FAF1: variants seen among roughly 807,000 people sequenced by gnomAD.
FAF1 encodes Fas associated factor 1.
A neutral mutation model predicts 92.5 loss-of-function variants in FAF1; 25 were observed. That is an observed-to-expected ratio of 0.27 (90% confidence interval 0.20 to 0.38). The LOEUF is 0.38. Ranked by LOEUF, FAF1 falls within the 10% of genes least tolerant of loss-of-function variation. The pLI, the probability that FAF1 is intolerant of heterozygous loss-of-function variation, is 1.00. For missense variants in FAF1, 636 were observed against 793.3 expected (o/e 0.80, Z 2.38); for synonymous variants, 234 against 273.2 (o/e 0.86, Z 1.42).
chr1:50,931,918 TAATAATAATAGC>T, intron 1 of FAF1, among the ~76,000 whole-genome samples: 1 of 139,140 alleles, frequency 7.2e-6, no homozygotes, highest in Non-Finnish European at 1.6e-5. Context: ...ATAATAATAA[TAATAATAATAGC>T]ACATGAAAGA....
intron 8 of FAF1, among the ~76,000 whole-genome samples, chr1:50,616,889 C>A (rs532421721): frequency 6.6e-6 from 1 of 152,254 alleles, no homozygotes; most frequent in South Asian, 2.1e-4. Context: ...CCATGTTGGC[C>A]AGGCTGGTCT....
chr1:50,900,653 T>G (rs1644789098), intron 1 of FAF1, among the ~76,000 whole-genome samples: 1 of 152,192 alleles, frequency 6.6e-6, no homozygotes, highest in South Asian at 2.1e-4. Context: ...ATGAGATAAA[T>G]TAAGCAACAA....
At chr1:50,566,608 G>A (rs1650184867) in intron 13 of FAF1, among the ~76,000 whole-genome samples, 1 of 152,012 alleles carries the variant, frequency 6.6e-6, no homozygotes, top group Admixed American at 6.6e-5. Flanking sequence ...AAGAATGTGT[G>A]CAATAAAGCG....
intron 8 of FAF1, 55 bp from the exon 9 acceptor site, chr1:50,596,271 AG>A: frequency 7.7e-7 from 1 of 1,303,356 alleles, no homozygotes; most frequent in Non-Finnish European, 1.1e-6. Context: ...GTTTCACAAA[AG>A]GATTTGACTT....
At chr1:50,916,969 T>C (rs572080671) in intron 1 of FAF1, among the ~76,000 whole-genome samples, 69 of 152,286 alleles carry the variant, frequency 4.5e-4, no homozygotes, top group Non-Finnish European at 7.5e-4. Context: ...TAACTGGCAA[T>C]GAGAGAAAGT....
chr1:50,910,590 C>T (rs1448434730), intron 1 of FAF1, among the ~76,000 whole-genome samples: 2 of 152,106 alleles, frequency 1.3e-5, no homozygotes, highest in African/African-American at 2.4e-5. Context: ...CAATGGCGGA[C>T]GCCCCTCCCC....
chr1:50,555,339 A>C (rs879672682), intron 13 of FAF1, among the ~76,000 whole-genome samples: 1 of 152,140 alleles, frequency 6.6e-6, no homozygotes, highest in Non-Finnish European at 1.5e-5. Context: ...TCTGCATAGC[A>C]AAAGAATGGG....
chr1:50,740,534 ACC>A, intron 5 of FAF1, among the ~76,000 whole-genome samples: 1 of 152,056 alleles, frequency 6.6e-6, no homozygotes, highest in East Asian at 1.9e-4. Context: ...ATACATAATT[ACC>A]CTTATTATTT....
chr1:50,727,816 G>C (rs753258085), intron 6 of FAF1, among the ~76,000 whole-genome samples: 1 of 152,184 alleles, frequency 6.6e-6, no homozygotes, highest in East Asian at 1.9e-4. Context: ...AAGTTCTTCA[G>C]CTCCAAGTTC....
At chr1:50,917,126 A>G (rs570079159) in intron 1 of FAF1, among the ~76,000 whole-genome samples, 1 of 152,192 alleles carries the variant, frequency 6.6e-6, no homozygotes, top group Admixed American at 6.5e-5. Context: ...TTAAAATCCA[A>G]ACTATTTTTA....
At chr1:50,637,710 T>TGTGTGTGTGC (rs1453321407) in intron 8 of FAF1, among the ~76,000 whole-genome samples, 163 of 151,064 alleles carry the variant, frequency 1.1e-3, no homozygotes, top group African/African-American at 3.8e-3. Flanking sequence ...TGTGTGTGTG[T>TGTGTGTGTGC]GTGCGTGTGC....
intron 1 of FAF1, among the ~76,000 whole-genome samples, chr1:50,859,547 A>C (rs1406645132): frequency 6.6e-6 from 1 of 151,970 alleles, no homozygotes; most frequent in Non-Finnish European, 1.5e-5. Context: ...AATGTGGTTA[A>C]CCAAGGAGAT....
chr1:50,577,228 G>C (rs1368378378), intron 12 of FAF1, among the ~76,000 whole-genome samples: 1 of 152,164 alleles, frequency 6.6e-6, no homozygotes, highest in Non-Finnish European at 1.5e-5. Flanking sequence ...ACGTCCTCTA[G>C]AAATCTTCCC....
chr1:50,779,983 G>A (rs368729685), intron 4 of FAF1, among the ~76,000 whole-genome samples: 10 of 115,214 alleles, frequency 8.7e-5, no homozygotes, highest in African/African-American at 3.4e-4. Flanking sequence ...CACATGCACA[G>A]ACAGACAGAC....
intron 13 of FAF1, among the ~76,000 whole-genome samples, chr1:50,549,324 A>G (rs1272671056): frequency 2.0e-5 from 3 of 151,970 alleles, no homozygotes; most frequent in African/African-American, 7.3e-5. Context: ...GATTTCTTTT[A>G]AAGGGGTGGG....
rs1002437418 is a variant in FAF1 at position 50,714,874 on chromosome 1, T to C, written c.552-8983A>G. 5 of 250,538 alleles carry C rather than the reference T, an allele frequency of 2.0e-5. 1 individual carries two copies. The highest frequency in any genetic ancestry group is 1.8e-4 in the Admixed American group (4 of 21,996). 15.5% of individuals were successfully genotyped at this position (250,538 alleles called of 1,614,324 possible). On this transcript the variant is annotated intron_variant, in intron 6 of 18. Coordinates refer to ENST00000396153, the MANE Select transcript of FAF1 (RefSeq NM_007051.3). ...ACACAGCTTGATTTCAGAGCAGACGTAGGCCAAGAAACCATAGCATTGAGT... is the reference window on the plus strand; with the variant it reads ...ACACAGCTTGATTTCAGAGCAGACGCAGGCCAAGAAACCATAGCATTGAGT...
chr1:50,543,352 G>A (rs1648847376), intron 13 of FAF1, among the ~76,000 whole-genome samples: 1 of 152,110 alleles, frequency 6.6e-6, no homozygotes, highest in African/African-American at 2.4e-5. Context: ...ACCAGGTGCT[G>A]TAAAAGGAAG....
chr1:50,668,360 C>T lies in FAF1; in HGVS notation c.658-12832G>A, dbSNP rs148370934. On this transcript the variant is annotated intron_variant, in intron 7 of 18. Transcript: ENST00000396153. The stretch of plus-strand genomic sequence containing the variant: ...TAAGTAAGCTCCTCCAAAGAACAGC[C>T]CTGAGAGATACTTAAAAGTGTGTCT... 4.4e-3 allele frequency among the ~76,000 whole-genome samples: 667 copies of T among 152,276 alleles called. 2 individuals are homozygous for T. Among genetic ancestry groups the T allele is most frequent in the Middle Eastern group, 0.01 (3 of 294 alleles).
At chr1:50,458,778 T>C (rs1292271398) in intron 18 of FAF1, among the ~76,000 whole-genome samples, 1 of 152,360 alleles carries the variant, frequency 6.6e-6, no homozygotes, top group South Asian at 2.1e-4. Context: ...ATGCTAGTGC[T>C]TTATGTGTAA....
Sources: gnomAD v4.1 joint callset for allele counts (sites outside exome capture counted in the v4.1 genomes callset) on GRCh38, gnomAD v4.1.1 for gene constraint, MANE v1.5 for transcripts, NCBI Gene and HGNC (gene_info 2026-07-23, HGNC 2026-07-21) for gene names.